CSMD1: variants seen among roughly 807,000 people sequenced by gnomAD.
CSMD1 encodes the protein CUB and Sushi multiple domains 1.
Under a neutral mutation model 417.5 loss-of-function variants are expected in CSMD1, and 213 were observed. The observed-to-expected ratio is 0.51, with a 90% CI of 0.46 to 0.57. CSMD1 has a LOEUF of 0.57. Among genes scored for constraint, CSMD1 ranks in the 20% least tolerant of loss-of-function variants. The pLI is 0.00. For synonymous variants in CSMD1, 2,862 were observed against 1,736.8 expected (o/e 1.65, Z -16.11); for missense variants, 6,923 against 4,529.7 (o/e 1.53, Z -15.17).
chr8:3,069,859 G>T (rs528346963), intron 49 of CSMD1, among the ~76,000 whole-genome samples: 2 of 152,342 alleles, frequency 1.3e-5, no homozygotes, highest in South Asian at 4.1e-4. Context: ...CCTGCAACAG[G>T]CTTCTGCCTG....
intron 3 of CSMD1, among the ~76,000 whole-genome samples, chr8:4,103,243 T>C (rs1227997197): frequency 5.8e-5 from 7 of 121,152 alleles, no homozygotes; most frequent in Non-Finnish European, 5.0e-5. Flanking sequence ...AAATCTATAC[T>C]GATGATCAGT....
intron 10 of CSMD1, among the ~76,000 whole-genome samples, chr8:3,556,264 C>A (rs1044121349): frequency 1.5e-4 from 22 of 150,892 alleles, no homozygotes; most frequent in African/African-American, 4.9e-4. Context: ...ACCCATTAAC[C>A]ACCCTCACCT....
chr8:3,736,407 C>G (rs923366257), intron 6 of CSMD1, among the ~76,000 whole-genome samples: 2 of 150,676 alleles, frequency 1.3e-5, no homozygotes, highest in Admixed American at 1.3e-4. Flanking sequence ...CCATGCATGG[C>G]TAATGTAAAA....
chr8:4,318,117 A>G (rs1799043135), intron 3 of CSMD1, among the ~76,000 whole-genome samples: 1 of 152,140 alleles, frequency 6.6e-6, no homozygotes, highest in Admixed American at 6.6e-5. Flanking sequence ...CCATTCCAAA[A>G]TTTTATGCAA....
At chr8:4,231,519 C>G (rs549238544) in intron 3 of CSMD1, among the ~76,000 whole-genome samples, 38 of 7,348 alleles carry the variant, frequency 5.2e-3, no homozygotes, top group Middle Eastern at 0.091. Context: ...TAAGAAAGGT[C>G]TGTAATTTTT....
chr8:4,499,080 G>C (rs1330579440), intron 2 of CSMD1, among the ~76,000 whole-genome samples: 1 of 152,138 alleles, frequency 6.6e-6, no homozygotes, highest in Non-Finnish European at 1.5e-5. Flanking sequence ...AGTGCTAAAG[G>C]ACACAGAAAT....
At chr8:3,532,824 T>C (rs1798037729) in intron 10 of CSMD1, among the ~76,000 whole-genome samples, 1 of 152,164 alleles carries the variant, frequency 6.6e-6, no homozygotes, top group Non-Finnish European at 1.5e-5. Context: ...ACATTTGAAG[T>C]CATTAAAGCA....
At chr8:4,559,301 G>C (rs911564499) in intron 2 of CSMD1, among the ~76,000 whole-genome samples, 4 of 152,168 alleles carry the variant, frequency 2.6e-5, no homozygotes, top group South Asian at 2.1e-4. Flanking sequence ...GTTTAGAGTT[G>C]AATTATGGAA....
intron 10 of CSMD1, among the ~76,000 whole-genome samples, chr8:3,571,467 A>G (rs573650750): frequency 1.5e-4 from 23 of 152,186 alleles, no homozygotes; most frequent in Non-Finnish European, 2.6e-4. Context: ...GTAACTGTTC[A>G]AGGACAGCAG....
intron 1 of CSMD1, among the ~76,000 whole-genome samples, chr8:4,948,860 T>C (rs1401852826): frequency 6.6e-6 from 1 of 152,140 alleles, no homozygotes; most frequent in African/African-American, 2.4e-5. Context: ...ATGGTGTGAA[T>C]CTTTTCATTC....
chr8:3,679,987 C>T (rs571517983), intron 7 of CSMD1, among the ~76,000 whole-genome samples: 2 of 151,940 alleles, frequency 1.3e-5, no homozygotes, highest in African/African-American at 2.4e-5. Flanking sequence ...TTGAAACCAA[C>T]GAGAACAAAG....
chr8:3,419,960 G>C (rs1017496632), intron 12 of CSMD1, among the ~76,000 whole-genome samples: 3 of 152,116 alleles, frequency 2.0e-5, no homozygotes, highest in Non-Finnish European at 2.9e-5. Context: ...AGAAGTACCT[G>C]TTTACCTAAT....
intron 26 of CSMD1, among the ~76,000 whole-genome samples, chr8:3,255,910 C>A (rs557078915): frequency 2.6e-5 from 4 of 152,292 alleles, no homozygotes; most frequent in African/African-American, 7.2e-5. Flanking sequence ...GTGAGATGAA[C>A]CTGGTACCTC....
chr8:4,147,194 C>G (rs1242637493), intron 3 of CSMD1, among the ~76,000 whole-genome samples: 2 of 152,114 alleles, frequency 1.3e-5, no homozygotes, highest in African/African-American at 4.8e-5. Context: ...GCAACACTCC[C>G]TCACACAACT....
chr8:4,061,348 A>C (rs536244694), intron 3 of CSMD1, among the ~76,000 whole-genome samples: 1 of 152,372 alleles, frequency 6.6e-6, no homozygotes, highest in African/African-American at 2.4e-5. Flanking sequence ...GAGACAAAGA[A>C]AAGTAGAAGT....
chr8:4,724,520 ATGTGTGTGTG>A lies in CSMD1; in HGVS notation c.86-86972_86-86963del, dbSNP rs66498850. On this transcript the variant is annotated intron_variant, in intron 1 of 69. Transcript: ENST00000635120. ...TAATATAGTAGCTCTTTATATATAT[ATGTGTGTGTG>A]TGTGTGTGTGTGTGTGTGTGTGTGT... 2.0e-3 allele frequency among the ~76,000 whole-genome samples: 294 copies of A among 145,298 alleles called. 7 individuals are homozygous for A. The South Asian group carries it at 0.043, about 21-fold the overall frequency.
At chr8:3,523,976 C>G (rs1303378789) in intron 10 of CSMD1, among the ~76,000 whole-genome samples, 1 of 150,004 alleles carries the variant, frequency 6.7e-6, no homozygotes, top group Non-Finnish European at 1.5e-5. Flanking sequence ...CACATGCACA[C>G]ACACATGCAC....
intron 10 of CSMD1, among the ~76,000 whole-genome samples, chr8:3,535,053 G>A (rs1324372941): frequency 6.6e-6 from 1 of 152,140 alleles, no homozygotes; most frequent in South Asian, 2.1e-4. Context: ...GCTTAAGCCA[G>A]TCTCCTGCCT....
intron 1 of CSMD1, among the ~76,000 whole-genome samples, chr8:4,936,753 G>C (rs1340277250): frequency 6.6e-6 from 1 of 152,060 alleles, no homozygotes; most frequent in Non-Finnish European, 1.5e-5. Flanking sequence ...ACCCATATTG[G>C]AATTGTCTAT....
Sources: gnomAD v4.1 joint callset for allele counts (sites outside exome capture counted in the v4.1 genomes callset) on GRCh38, gnomAD v4.1.1 for gene constraint, MANE v1.5 for transcripts, NCBI Gene and HGNC (gene_info 2026-07-23, HGNC 2026-07-21) for gene names.